Variants in MPHOSPH9 observed in about 807,000 individuals in gnomAD.
The protein encoded by MPHOSPH9 is M-phase phosphoprotein 9.
A neutral mutation model predicts 145.5 loss-of-function variants in MPHOSPH9; 88 were observed. That is an observed-to-expected ratio of 0.60 (90% CI 0.51 to 0.72). MPHOSPH9 has a LOEUF of 0.72. Among genes scored for constraint, MPHOSPH9 ranks in the 30% least tolerant of loss-of-function variants. The pLI, the probability that MPHOSPH9 is intolerant of heterozygous loss-of-function variation, is 0.00. For missense variants in MPHOSPH9, 1,238 were observed against 1,386.6 expected (o/e 0.89, Z 1.70); for synonymous variants, 435 against 486.2 (o/e 0.89, Z 1.39).
intron 13 of MPHOSPH9, among the ~76,000 whole-genome samples, chr12:123,193,096 A>T (rs71444569): frequency 0.32 from 27,972 of 86,804 alleles, 5,466 homozygotes; most frequent in African/African-American, 0.53. Context: ...AAAAAAAAAA[A>T]ATATATATAT....
At chr12:123,170,752 T>G (rs933951928) in intron 16 of MPHOSPH9, among the ~76,000 whole-genome samples, 5 of 152,342 alleles carry the variant, frequency 3.3e-5, no homozygotes, top group African/African-American at 1.2e-4. Context: ...AATTAACACG[T>G]GTGAAAATTC....
At position 123,203,018 on chromosome 12, in the gene MPHOSPH9, C is replaced by T. The variant is rs530401305; in HGVS notation, c.1387G>A (p.Gly463Ser). 5.0e-6 allele frequency: 8 copies of T among 1,614,140 alleles called. No individual in the cohort carries two copies. The highest frequency in any genetic ancestry group is 4.4e-5 in the South Asian group (4 of 91,084). The change falls in exon 10 of 24, where the codon GGC becomes AGC. Residue 463 changes from glycine to serine, a missense_variant. Physicochemically the swap from Gly to Ser is moderately conservative, Grantham distance 56 (BLOSUM62 0). This residue lies in a region of MPHOSPH9 where 837 missense variants were observed against 897.5 expected (regional missense o/e 0.93). Transcript: ENST00000606320. ...KQQISGIQPHGLPNALDDRIS... is the reference protein window; with the variant it reads ...KQQISGIQPHSLPNALDDRIS... ...CTGTCATCAAGGGCATTCGGAAGGC[C>T]GTGAGGTTGAATCCCTGAAATCTGC...
intron 5 of MPHOSPH9, among the ~76,000 whole-genome samples, chr12:123,218,798 G>C (rs1035784276): frequency 6.6e-6 from 1 of 152,058 alleles, no homozygotes; most frequent in Non-Finnish European, 1.5e-5. Flanking sequence ...TTACAGGCAT[G>C]AGCCACCACA....
intron 1 of MPHOSPH9, among the ~76,000 whole-genome samples, chr12:123,231,170 C>G (rs2047619477): frequency 6.6e-6 from 1 of 152,070 alleles, no homozygotes; most frequent in African/African-American, 2.4e-5. Context: ...TTTTTAGAGA[C>G]AGCATCTTGC....
chr12:123,207,779 G>A (rs2046501300), intron 8 of MPHOSPH9, among the ~76,000 whole-genome samples: 1 of 151,732 alleles, frequency 6.6e-6, no homozygotes, highest in South Asian at 2.1e-4. Flanking sequence ...TTTGAACCTG[G>A]GAGGCAGAGA....
intron 6 of MPHOSPH9, among the ~76,000 whole-genome samples, chr12:123,215,085 T>C (rs1364960277): frequency 6.6e-6 from 1 of 152,044 alleles, no homozygotes; most frequent in Non-Finnish European, 1.5e-5. Flanking sequence ...CTACTAAAAA[T>C]ACAAAAATTA....
At chr12:123,235,667 C>T (rs897595210), upstream of MPHOSPH9, among the ~76,000 whole-genome samples, 2 of 151,696 alleles carry the variant, frequency 1.3e-5, no homozygotes, top group Admixed American at 1.3e-4. Context: ...CCACCGCGCT[C>T]GGCCTGGTAG....
At chr12:123,162,955 A>G (rs2044168410) in intron 20 of MPHOSPH9, 59 bp downstream of exon 20, 1 of 1,455,510 alleles carries the variant, frequency 6.9e-7, no homozygotes, top group Non-Finnish European at 9.1e-7. Flanking sequence ...ACATAAGTCA[A>G]CATTTAGAAA....
chr12:123,224,077 G>C (rs989619021), intron 3 of MPHOSPH9, among the ~76,000 whole-genome samples: 1 of 147,150 alleles, frequency 6.8e-6, no homozygotes, highest in East Asian at 2.1e-4. Flanking sequence ...TGAGATTACA[G>C]ACATGTGTCA....
intron 1 of MPHOSPH9, among the ~76,000 whole-genome samples, chr12:123,232,320 G>C (rs186458431): frequency 6.6e-6 from 1 of 152,120 alleles, no homozygotes; most frequent in East Asian, 1.9e-4. Flanking sequence ...GAGGTGCTGG[G>C]GGGAGGGCAG....
intron 10 of MPHOSPH9, 102 bp downstream of exon 10, chr12:123,202,522 T>A: frequency 7.8e-7 from 1 of 1,288,044 alleles, no homozygotes. Context: ...AAATGCTAAA[T>A]CTCTAAGACT....
At chr12:123,169,091 A>G (rs1031839141) in intron 16 of MPHOSPH9, among the ~76,000 whole-genome samples, 11 of 150,742 alleles carry the variant, frequency 7.3e-5, no homozygotes, top group Admixed American at 5.3e-4. Flanking sequence ...TCACCATGTT[A>G]TTAGCCAGGA....
chr12:123,205,596 T>A (rs1187106132), intron 8 of MPHOSPH9, among the ~76,000 whole-genome samples: 3 of 152,050 alleles, frequency 2.0e-5, no homozygotes, highest in Non-Finnish European at 4.4e-5. Context: ...GAATTCATTC[T>A]TTACATGCCA....
At chr12:123,158,927 G>A (rs1028845576) in intron 23 of MPHOSPH9, among the ~76,000 whole-genome samples, 6 of 151,930 alleles carry the variant, frequency 3.9e-5, no homozygotes, top group Non-Finnish European at 7.4e-5. Flanking sequence ...CACTGTTCTC[G>A]GCCTCAAAAT....
rs981125817 is a variant in MPHOSPH9, at chr12:123,159,069, G to T, written c.3450+1712C>A. On this transcript the variant is annotated intron_variant, in intron 23 of 23. Coordinates refer to ENST00000606320, the MANE Select transcript of MPHOSPH9 (RefSeq NM_022782.4). The surrounding 1 kb of genome is among the most constrained non-coding windows in gnomAD (Gnocchi z 4.3). ...TTGCGTCACTGCGCTCCAGCCTGGT[G>T]ACACAGCGAGACTCCGTCTCCAAAC... 6.6e-6 allele frequency among the ~76,000 whole-genome samples: 1 copy of T among 152,192 alleles called. No individual in the cohort carries two copies. Among genetic ancestry groups the T allele is most frequent in the African/African-American group, 2.4e-5 (1 of 41,466 alleles).
chr12:123,221,033 T>C (rs545917912), intron 5 of MPHOSPH9, among the ~76,000 whole-genome samples: 1 of 152,250 alleles, frequency 6.6e-6, no homozygotes, highest in African/African-American at 2.4e-5. Context: ...CCAGCCTGGG[T>C]GACAGAGCGA....
chr12:123,200,402 A>T (rs923945667), intron 11 of MPHOSPH9, among the ~76,000 whole-genome samples: 2 of 152,102 alleles, frequency 1.3e-5, no homozygotes, highest in Non-Finnish European at 2.9e-5. Context: ...CTACTCCAGT[A>T]ACCAAGCCTG....
intron 6 of MPHOSPH9, among the ~76,000 whole-genome samples, chr12:123,217,493 A>AT (rs2047018282): frequency 1.3e-5 from 2 of 152,070 alleles, no homozygotes; most frequent in South Asian, 4.1e-4. Flanking sequence ...CACTTGGCCC[A>AT]GCCTCAACTT....
At chr12:123,231,764 A>G (rs1170257658) in intron 1 of MPHOSPH9, among the ~76,000 whole-genome samples, 1 of 148,692 alleles carries the variant, frequency 6.7e-6, no homozygotes, top group Non-Finnish European at 1.5e-5. Context: ...GAAGCTGGAT[A>G]TATACCATGG....
Sources: gnomAD v4.1 joint callset for allele counts (sites outside exome capture counted in the v4.1 genomes callset) on GRCh38, gnomAD v4.1.1 for gene constraint, gnomAD v4.1.1 regional missense constraint, Gnocchi (gnomAD v3.1) non-coding constraint, MANE v1.5 for transcripts, NCBI Gene and HGNC (gene_info 2026-07-23, HGNC 2026-07-21) for gene names.